SVIL: variants seen among roughly 807,000 people sequenced by gnomAD.
The protein encoded by SVIL is supervillin.
In SVIL, 101 loss-of-function variants were observed where a neutral mutation model predicts 240.4. The observed-to-expected ratio is 0.42, with a 90% CI of 0.36 to 0.50. SVIL has a LOEUF of 0.50. Among genes scored for constraint, SVIL ranks in the 20% least tolerant of loss-of-function variants. The probability of loss-of-function intolerance (pLI) is 0.01; values close to 1 mark genes in which losing one functional copy is unlikely to be tolerated. For synonymous variants in SVIL, 999 were observed against 1,100.0 expected, an observed-to-expected ratio of 0.91 and a Z score of 1.82; for missense variants, 2,512 against 2,818.7, an observed-to-expected ratio of 0.89 and a Z score of 2.46.
intron 27 of SVIL, chr10:29,483,287 G>C (rs1204970830): frequency 6.6e-6 from 1 of 152,196 alleles, no homozygotes; most frequent in African/African-American, 2.4e-5. Flanking sequence ...GGACAAACCT[G>C]GGCCAGGAGC....
intron 29 of SVIL, 24 bp from the exon 30 acceptor site, chr10:29,474,013 G>T (rs1450659625): frequency 6.2e-7 from 1 of 1,608,928 alleles, no homozygotes; most frequent in Admixed American, 1.7e-5. Flanking sequence ...ATGGCAGAGG[G>T]ACAGGTCAGC....
intron 36 of SVIL, 60 bp from the exon 37 acceptor site, chr10:29,458,649 T>G (rs1943853105): frequency 6.4e-7 from 1 of 1,573,460 alleles, no homozygotes; most frequent in Non-Finnish European, 8.6e-7. Context: ...CTTGTTTTAT[T>G]AAGTGCTTAC....
rs145481818 is a variant in SVIL, at chr10:29,529,801, C to T, written c.2150G>A (p.Arg717His). Residue 717 changes from arginine to histidine, a missense_variant, in exon 12 of 38, where the codon CGC becomes CAC. This residue lies in a region of SVIL where 1,443 missense variants were observed against 1,486.6 expected (regional missense o/e 0.97). Coordinates refer to ENST00000355867, the MANE Select transcript of SVIL (RefSeq NM_021738.3). ...CTGCTCCACAGCTGTGTTTCTTGAGCGTCGCTTTGGAACATTTTGTTCATC... is the reference window on the plus strand; with the variant it reads ...CTGCTCCACAGCTGTGTTTCTTGAGTGTCGCTTTGGAACATTTTGTTCATC... Reference protein sequence around the residue: ...SFDEQNVPKRRSRNTAVEQRL... With the variant: ...SFDEQNVPKRHSRNTAVEQRL... The T allele has an allele frequency of 8.7e-5, 141 of 1,612,994 alleles. No individual in the cohort carries two copies. Among genetic ancestry groups the T allele is most frequent in the Non-Finnish European group, 1.1e-4 (132 of 1,179,702 alleles).
intron 2 of SVIL, among the ~76,000 whole-genome samples, chr10:29,667,051 G>T (rs1959359426): frequency 6.6e-6 from 1 of 152,024 alleles, no homozygotes; most frequent in Non-Finnish European, 1.5e-5. Context: ...AAGTGGCACA[G>T]GTACTTTGGG....
At chr10:29,459,879 C>A (rs1944032665) in intron 36 of SVIL, among the ~76,000 whole-genome samples, 1 of 151,980 alleles carries the variant, frequency 6.6e-6, no homozygotes, top group Non-Finnish European at 1.5e-5. Context: ...GTCCTTGAAT[C>A]CAGGAGTTGG....
intron 9 of SVIL, 118 bp from the exon 10 acceptor site, chr10:29,531,406 C>A: frequency 2.0e-6 from 2 of 993,194 alleles, no homozygotes; most frequent in Non-Finnish European, 3.0e-6. Flanking sequence ...TAAGAAATAA[C>A]CTCCTGGTAG....
chr10:29,465,362 G>T (rs926889823), intron 34 of SVIL, among the ~76,000 whole-genome samples: 1 of 152,154 alleles, frequency 6.6e-6, no homozygotes, highest in Non-Finnish European at 1.5e-5. Context: ...GACGTCTTTG[G>T]GTGGGTTAAG....
rs1401332172 is a variant in SVIL, at chr10:29,550,977, C to T, written c.447G>A (p.Arg149=). 2 of 1,614,022 alleles carry T rather than the reference C, an allele frequency of 1.2e-6. No homozygotes were observed. Among genetic ancestry groups the T allele is most frequent in the Non-Finnish European group, 1.7e-6 (2 of 1,180,032 alleles). The change falls in exon 6 of 38, where the codon CGG becomes CGA. Residue 149 remains arginine (R), a synonymous_variant. Coordinates refer to ENST00000355867, the MANE Select transcript of SVIL (RefSeq NM_021738.3). The part of the protein sequence containing the change: ...SRKEPDAVEK[R]GGKSDKQEES... The stretch of plus-strand genomic sequence containing the variant: ...CTTCCTGTTTGTCACTTTTTCCTCC[C>T]CGCTTCTCGACAGCATCAGGCTCCT...
At chr10:29,711,499 G>A (rs887946415) in intron 1 of SVIL, among the ~76,000 whole-genome samples, 1 of 152,194 alleles carries the variant, frequency 6.6e-6, no homozygotes, top group East Asian at 1.9e-4. Context: ...CACTACTCAC[G>A]CCTGTAATCC....
chr10:29,564,683 G>A (rs570653793), intron 2 of SVIL, among the ~76,000 whole-genome samples: 14 of 152,252 alleles, frequency 9.2e-5, no homozygotes, highest in African/African-American at 3.4e-4. Flanking sequence ...CCACCATCCT[G>A]CCCTCCTAGA....
intron 1 of SVIL, among the ~76,000 whole-genome samples, chr10:29,688,438 C>A (rs748224525): frequency 5.8e-4 from 89 of 152,334 alleles, no homozygotes; most frequent in African/African-American, 2.1e-3. Flanking sequence ...CTGCCTCGTT[C>A]CCTGCTTTCT....
intron 17 of SVIL, among the ~76,000 whole-genome samples, chr10:29,510,681 A>T (rs1284207365): frequency 2.8e-4 from 42 of 152,006 alleles, no homozygotes; most frequent in African/African-American, 9.9e-4. Context: ...GCCCCTGTTC[A>T]GGCCCCACGT....
chr10:29,642,127 G>A (rs1475526932), intron 3 of SVIL, among the ~76,000 whole-genome samples: 3 of 152,128 alleles, frequency 2.0e-5, no homozygotes, highest in East Asian at 1.9e-4. Flanking sequence ...GGCCAGGTGC[G>A]GTGGCTCATG....
rs1400229349 is a variant in SVIL, at chr10:29,499,386, A to C, written c.3517-123T>G. ...AAAGAGGAGTAAGTATATTGTCCAA[A>C]GATGTTCAAAAATGTTCTATCTGAA... On this transcript the variant is annotated intron_variant, in intron 17 of 37. Transcript: ENST00000355867. 4.8e-5 allele frequency: 61 copies of C among 1,283,704 alleles called. No individual in the cohort carries two copies. The East Asian group carries it at 1.4e-3, about 29-fold the overall frequency. The allele number at this position is 1,283,704 out of a possible 1,614,324, so 79.5% of individuals were successfully genotyped here.
chr10:29,636,348 T>C (rs1172535663), upstream of SVIL, among the ~76,000 whole-genome samples: 1 of 152,222 alleles, frequency 6.6e-6, no homozygotes, highest in Non-Finnish European at 1.5e-5. Flanking sequence ...TATTTGGGTC[T>C]TCTCTGTAAA....
intron 3 of SVIL, among the ~76,000 whole-genome samples, chr10:29,649,669 T>TAC (rs140706713): frequency 6.7e-4 from 101 of 150,792 alleles, no homozygotes; most frequent in East Asian, 3.9e-3. Flanking sequence ...TGCATGGGCG[T>TAC]ACACACACAC....
At chr10:29,480,250 G>C (rs1425146001) in intron 29 of SVIL, among the ~76,000 whole-genome samples, 1 of 152,182 alleles carries the variant, frequency 6.6e-6, no homozygotes. Flanking sequence ...GAAAAGCTCT[G>C]GGGACAGGGG....
At chr10:29,696,950 C>A (rs189177386) in intron 1 of SVIL, among the ~76,000 whole-genome samples, 1 of 142,968 alleles carries the variant, frequency 7.0e-6, no homozygotes, top group African/African-American at 2.6e-5. Flanking sequence ...CCAGACGCCC[C>A]GTCCGGGAGG....
chr10:29,469,265 A>G (rs1163310244), intron 32 of SVIL: 1 of 152,072 alleles, frequency 6.6e-6, no homozygotes, highest in Admixed American at 6.6e-5. Flanking sequence ...GTGTTTTGAG[A>G]TGAAACATCT....
Sources: allele counts gnomAD v4.1 joint callset (sites outside exome capture counted in the v4.1 genomes callset), GRCh38; gene constraint gnomAD v4.1.1; regional missense constraint gnomAD v4.1.1; transcripts MANE v1.5; gene names NCBI Gene and HGNC (gene_info 2026-07-23, HGNC 2026-07-21).